The following RABGAP1 variants were observed in gnomAD, a reference collection of about 807,000 sequenced individuals.
RABGAP1 encodes the protein RAB GTPase activating protein 1, also known as rab GTPase-activating protein 1.
RABGAP1 carries 23 observed loss-of-function variants against 137.6 expected under a neutral mutation model. The observed-to-expected ratio is 0.17, with a 90% CI of 0.12 to 0.24. RABGAP1 has a LOEUF of 0.24. Among genes scored for constraint, RABGAP1 ranks in the 10% least tolerant of loss-of-function variants. The pLI is 1.00. For synonymous variants in RABGAP1, 451 were observed against 450.7 expected (o/e 1.00, Z -0.01); for missense variants, 906 against 1,275.8 (o/e 0.71, Z 4.42).
intron 1 of RABGAP1, among the ~76,000 whole-genome samples, chr9:122,950,373 C>CTTTTTTT (rs1834164826): frequency 2.0e-5 from 1 of 48,796 alleles, no homozygotes; most frequent in African/African-American, 7.9e-5. Flanking sequence ...TTTTCTTTTT[C>CTTTTTTT]TTTCTTTTTT....
intron 13 of RABGAP1, among the ~76,000 whole-genome samples, chr9:123,058,336 T>A (rs1001436514): frequency 5.3e-5 from 8 of 150,762 alleles, no homozygotes; most frequent in South Asian, 2.1e-4. Flanking sequence ...CAAAAAAAAA[T>A]TTTTCTAAAA....
intron 13 of RABGAP1, among the ~76,000 whole-genome samples, chr9:123,025,543 CTT>C (rs577474947): frequency 2.4e-4 from 18 of 75,010 alleles, no homozygotes; most frequent in Non-Finnish European, 3.8e-4. Flanking sequence ...TCTTTCTTTT[CTT>C]TTTTTTTTTT....
intron 10 of RABGAP1, 71 bp from the exon 11 acceptor site, chr9:123,010,282 TA>T: frequency 7.3e-7 from 1 of 1,373,742 alleles, no homozygotes; most frequent in Non-Finnish European, 9.9e-7. Context: ...TTAAAAACAT[TA>T]AAAACACTGC....
At chr9:123,043,828 T>A (rs1201527381) in intron 13 of RABGAP1, among the ~76,000 whole-genome samples, 1 of 152,014 alleles carries the variant, frequency 6.6e-6, no homozygotes, top group Non-Finnish European at 1.5e-5. Flanking sequence ...GAATAGGGTA[T>A]GAAGAGTGAA....
At chr9:122,977,126 G>A (rs1446859086) in intron 2 of RABGAP1, among the ~76,000 whole-genome samples, 1 of 152,172 alleles carries the variant, frequency 6.6e-6, no homozygotes, top group Non-Finnish European at 1.5e-5. Flanking sequence ...TAAAAACAAG[G>A]CAGTGCTTGA....
chr9:122,963,952 A>G (rs773944441), intron 2 of RABGAP1, among the ~76,000 whole-genome samples: 2 of 152,210 alleles, frequency 1.3e-5, no homozygotes, highest in Non-Finnish European at 2.9e-5. Flanking sequence ...TTATGAAGGA[A>G]TACTAGAGTT....
chr9:123,068,644 C>G lies in RABGAP1; in HGVS notation c.1909-1706C>G, dbSNP rs1243829138. On this transcript the variant is annotated intron_variant, in intron 14 of 25. Transcript: ENST00000373647. ...CTAAAGCCCTTTTTGCACATCTTGTCTCTGGAAAAGTATGTATGTTTCTCA... is the reference window on the plus strand; with the variant it reads ...CTAAAGCCCTTTTTGCACATCTTGTGTCTGGAAAAGTATGTATGTTTCTCA... Among the ~76,000 whole-genome samples, 3 of 151,938 alleles carry G rather than the reference C, an allele frequency of 2.0e-5. No individual in the cohort carries two copies. In the East Asian group the frequency reaches 5.8e-4, roughly 29 times the overall value.
At chr9:123,059,589 A>C (rs1003762315) in intron 13 of RABGAP1, among the ~76,000 whole-genome samples, 2 of 152,088 alleles carry the variant, frequency 1.3e-5, no homozygotes, top group Non-Finnish European at 2.9e-5. Context: ...AAAACAAAAA[A>C]AACTAATCAC....
intron 2 of RABGAP1, among the ~76,000 whole-genome samples, chr9:122,969,372 A>G (rs1371888890): frequency 6.6e-6 from 1 of 152,228 alleles, no homozygotes; most frequent in Non-Finnish European, 1.5e-5. Flanking sequence ...TAAGTGATGC[A>G]TGATTGTGTT....
intron 13 of RABGAP1, among the ~76,000 whole-genome samples, chr9:123,038,369 AT>A (rs534550432): frequency 1.3e-5 from 2 of 151,640 alleles, no homozygotes; most frequent in East Asian, 1.9e-4. Context: ...GAAAACTTGA[AT>A]TTTTTTTTAC....
intron 13 of RABGAP1, among the ~76,000 whole-genome samples, chr9:123,056,969 C>G (rs1486716546): frequency 1.3e-5 from 2 of 152,220 alleles, no homozygotes; most frequent in Non-Finnish European, 2.9e-5. Flanking sequence ...TCATCATGGC[C>G]CGTTCTCAAT....
At chr9:123,064,207 C>G (rs2034091994) in intron 13 of RABGAP1, among the ~76,000 whole-genome samples, 1 of 152,160 alleles carries the variant, frequency 6.6e-6, no homozygotes, top group African/African-American at 2.4e-5. Flanking sequence ...ATAGATCTCC[C>G]TTGGATTTTT....
intron 13 of RABGAP1, among the ~76,000 whole-genome samples, chr9:123,026,043 G>A (rs1443200332): frequency 7.1e-6 from 1 of 141,766 alleles, no homozygotes; most frequent in African/African-American, 2.7e-5. Context: ...TTTGTTTTTG[G>A]CCGGGCGCAG....
intron 1 of RABGAP1, among the ~76,000 whole-genome samples, chr9:122,956,621 G>C (rs1834537355): frequency 7.2e-6 from 1 of 139,476 alleles, no homozygotes; most frequent in Non-Finnish European, 1.5e-5. Flanking sequence ...CTGCACTCCA[G>C]CCTGGGCGAC....
intron 6 of RABGAP1, chr9:122,990,762 T>TTGC (rs1836630818): frequency 1.9e-5 from 1 of 52,960 alleles, no homozygotes; most frequent in South Asian, 8.5e-4. Context: ...AGAACGAAAC[T>TTGC]CCGTCTCAAA....
At chr9:123,080,110 T>A (rs2034660682) in intron 19 of RABGAP1, among the ~76,000 whole-genome samples, 1 of 152,192 alleles carries the variant, frequency 6.6e-6, no homozygotes, top group Non-Finnish European at 1.5e-5. Flanking sequence ...TTGAAACACT[T>A]TAATAATATA....
rs780108377 is a variant in RABGAP1, at chr9:122,989,369, G to A, written c.663G>A (p.Gly221=). The change falls in exon 5 of 26, where the codon GGG becomes GGA. Residue 221 remains glycine (G), a synonymous_variant. Transcript: ENST00000373647. ...PIYKILFCVR[G]HDGTPESDCF... is the part of the protein sequence containing the mutation. ...ACAAAATCCTCTTCTGTGTCAGAGG[G>A]CATGATGGAACTCCTGAGAGTGACT... 2 of 1,613,636 alleles carry A rather than the reference G, an allele frequency of 1.2e-6. No homozygotes were observed. The highest frequency in any genetic ancestry group is 2.7e-5 in the African/African-American group (2 of 74,884).
chr9:123,038,120 C>A (rs2032764286), intron 13 of RABGAP1, among the ~76,000 whole-genome samples: 1 of 151,700 alleles, frequency 6.6e-6, no homozygotes, highest in Admixed American at 6.6e-5. Context: ...GGTTTTTTCC[C>A]CCTTCTTAGA....
At chr9:122,976,966 A>G (rs1240444888) in intron 2 of RABGAP1, among the ~76,000 whole-genome samples, 2 of 152,200 alleles carry the variant, frequency 1.3e-5, no homozygotes, top group Non-Finnish European at 2.9e-5. Context: ...TGGGTGCTTG[A>G]AAGTTTATGG....
Sources: gnomAD v4.1 joint callset for allele counts (sites outside exome capture counted in the v4.1 genomes callset) on GRCh38, gnomAD v4.1.1 for gene constraint, MANE v1.5 for transcripts, NCBI Gene and HGNC (gene_info 2026-07-23, HGNC 2026-07-21) for gene names.